Variants in LPCAT1 observed in about 807,000 individuals in gnomAD.
LPCAT1 encodes lysophosphatidylcholine acyltransferase 1, also known as 1-acylglycerol-3-phosphate O-acyltransferase.
Under a neutral mutation model 60.9 loss-of-function variants are expected in LPCAT1, and 23 were observed. The observed-to-expected ratio is 0.38, with a 90% CI of 0.27 to 0.53. The LOEUF is 0.53. Ranked by LOEUF, LPCAT1 falls within the 20% of genes least tolerant of loss-of-function variation. The probability of loss-of-function intolerance (pLI) is 0.82; values close to 1 mark genes in which losing one functional copy is unlikely to be tolerated. For synonymous variants in LPCAT1, 340 were observed against 301.1 expected (o/e 1.13, Z -1.34); for missense variants, 622 against 723.6 (o/e 0.86, Z 1.61).
At chr5:1,504,317 G>T (rs761579329) in intron 1 of LPCAT1, among the ~76,000 whole-genome samples, 4 of 152,252 alleles carry the variant, frequency 2.6e-5, no homozygotes, top group Non-Finnish European at 2.9e-5. Context: ...AGAGCGCAGC[G>T]GAGGAGACCG....
rs1736748472 is a variant in LPCAT1, at chr5:1,523,762, C to A, written c.83G>T (p.Gly28Val). ...ASDARLLAPP[G>V]RNPFVHELRL... ...CAGCTCGTGCACGAAGGGGTTCCGC[C>A]CCGGGGGCGCCAGCAGCCGAGCGTC... Residue 28 changes from glycine to valine, a missense_variant, in exon 1 of 14, where the codon GGG becomes GTG. Gly to Val is a moderately radical substitution (Grantham distance 109, BLOSUM62 -3). Transcript: ENST00000283415. This position sits in a 1 kb window ranked among gnomAD's most constrained non-coding sequence, Gnocchi z 7.1. 8.6e-7 allele frequency: 1 copy of A among 1,158,684 alleles called. No individual in the cohort carries two copies. Among genetic ancestry groups the A allele is most frequent in the Non-Finnish European group, 1.1e-6 (1 of 936,340 alleles). 71.8% of individuals were successfully genotyped at this position (1,158,684 alleles called of 1,614,324 possible).
rs564785151 is a variant in LPCAT1 at position 1,506,993 on chromosome 5, G to C, written c.136-5390C>G. The stretch of plus-strand genomic sequence containing the variant: ...CAGCAGGGGCAGCATGCGGAACCAA[G>C]ACATCACTGCAAGTCGTGGACAGGG... On this transcript the variant is annotated intron_variant, in intron 1 of 13. Transcript: ENST00000283415. 2.6e-5 allele frequency among the ~76,000 whole-genome samples: 4 copies of C among 152,340 alleles called. No individual in the cohort carries two copies. The South Asian group carries it at 8.3e-4, about 32-fold the overall frequency.
intron 6 of LPCAT1, among the ~76,000 whole-genome samples, chr5:1,482,025 C>G (rs572097512): frequency 2.2e-4 from 33 of 152,284 alleles, no homozygotes; most frequent in African/African-American, 7.9e-4. Flanking sequence ...CCTTTGCCAT[C>G]ACAAAAAGGA....
chr5:1,501,118 A>T (rs1735986805), intron 2 of LPCAT1, among the ~76,000 whole-genome samples: 1 of 152,184 alleles, frequency 6.6e-6, no homozygotes, highest in Non-Finnish European at 1.5e-5. Flanking sequence ...CAGAAGCCTG[A>T]CTTTCGTCAG....
rs1428476035 is a variant in LPCAT1, at chr5:1,477,417, G to A, written c.886C>T (p.Arg296Ter). 2 of 1,613,856 alleles carry A rather than the reference G, an allele frequency of 1.2e-6. No homozygotes were observed. Among genetic ancestry groups the A allele is most frequent in the Non-Finnish European group, 1.7e-6 (2 of 1,179,866 alleles). The change falls in exon 9 of 14, where the codon CGA becomes TGA. Residue 296 changes from arginine (R) to a stop codon, truncating the protein, a stop_gained. Transcript: ENST00000283415. LOFTEE classifies it high-confidence loss of function. This position sits in a 1 kb window ranked among gnomAD's most constrained non-coding sequence, Gnocchi z 6.0. ...CTGCTCACTTACTCGGCCATGACTC[G>A]CCGCACGTTGCTGGCATACAGCGCG... is the stretch of plus-strand genomic sequence containing the variant. ...NPALYASNVR[R>*]VMAEALGVSV...
At chr5:1,509,974 G>A (rs1030903262) in intron 1 of LPCAT1, among the ~76,000 whole-genome samples, 1 of 152,184 alleles carries the variant, frequency 6.6e-6, no homozygotes, top group African/African-American at 2.4e-5. Flanking sequence ...TCACGGGGAC[G>A]GTTTCATTGG....
rs555851351 is a variant in LPCAT1, at chr5:1,481,151, C to A, written c.727-175G>T. On this transcript the variant is annotated intron_variant, in intron 6 of 13. Transcript: ENST00000283415. The surrounding 1 kb of genome is among the most constrained non-coding windows in gnomAD (Gnocchi z 7.8). ...TCCCAGAGTCCCTGAGGATCCAGGA[C>A]TCGGACCAGCCCCCCAGCCTGAGGT... Among the ~76,000 whole-genome samples, 1 of 152,132 alleles carries A rather than the reference C, an allele frequency of 6.6e-6. No homozygotes were observed. The highest frequency in any genetic ancestry group is 2.1e-4 in the South Asian group (1 of 4,836).
chr5:1,508,911 G>A (rs1048776186), intron 1 of LPCAT1, among the ~76,000 whole-genome samples: 3 of 152,256 alleles, frequency 2.0e-5, no homozygotes, highest in Non-Finnish European at 2.9e-5. Context: ...ATCACCCGGC[G>A]TTTCACAATC....
chr5:1,489,740 C>G lies in LPCAT1; in HGVS notation c.606+6G>C. The G allele has an allele frequency of 6.3e-7, 1 of 1,582,862 alleles. No individual in the cohort carries two copies. Among genetic ancestry groups the G allele is most frequent in the Non-Finnish European group, 8.7e-7 (1 of 1,151,364 alleles). On this transcript the variant is annotated splice_donor_region_variant and intron_variant, in intron 4 of 13. Transcript: ENST00000283415. ...ACTGAAACACAATCAGGGCTACGTGCATTACCTGTGGCCACTTTCCGTTGG... is the reference window on the plus strand; with the variant it reads ...ACTGAAACACAATCAGGGCTACGTGGATTACCTGTGGCCACTTTCCGTTGG...
At chr5:1,509,577 G>C (rs1015795281) in intron 1 of LPCAT1, among the ~76,000 whole-genome samples, 3 of 152,196 alleles carry the variant, frequency 2.0e-5, no homozygotes, top group Non-Finnish European at 1.5e-5. Context: ...GCATCTGAGA[G>C]CTGGAGGGAG....
chr5:1,464,744 A>T (rs945228618), intron 13 of LPCAT1, among the ~76,000 whole-genome samples: 2 of 144,338 alleles, frequency 1.4e-5, no homozygotes, highest in Non-Finnish European at 3.0e-5. Context: ...ACGCAGACAC[A>T]CACACACAAA....
intron 3 of LPCAT1, among the ~76,000 whole-genome samples, chr5:1,491,976 T>C (rs965417804): frequency 7.9e-5 from 12 of 151,922 alleles, no homozygotes; most frequent in African/African-American, 2.9e-4. Flanking sequence ...CGGGGAGATG[T>C]CTCTGAGCTG....
intron 5 of LPCAT1, among the ~76,000 whole-genome samples, chr5:1,484,096 G>A (rs555928613): frequency 3.9e-4 from 59 of 152,330 alleles, no homozygotes; most frequent in African/African-American, 1.2e-3. Context: ...CTCCAAGGAC[G>A]GGCGGATTTG....
At chr5:1,464,126 C>G (rs982488274) in intron 13 of LPCAT1, among the ~76,000 whole-genome samples, 2 of 152,218 alleles carry the variant, frequency 1.3e-5, no homozygotes, top group Non-Finnish European at 2.9e-5. Context: ...AGATATATCC[C>G]GGGGACTTAG....
In LPCAT1 at chr5:1,522,045, G is replaced by C. The variant is rs1021721771; in HGVS notation, c.135+1665C>G. Reference sequence around the variant, plus strand: ...GAGGGGCTTGATGTTTCCCCCCAGGGAGCCAGGAGGGAGTAGGAAAGGCAG... The same window carrying C: ...GAGGGGCTTGATGTTTCCCCCCAGGCAGCCAGGAGGGAGTAGGAAAGGCAG... On this transcript the variant is annotated intron_variant, in intron 1 of 13. Transcript: ENST00000283415. This position sits in a 1 kb window ranked among gnomAD's most constrained non-coding sequence, Gnocchi z 6.8. 6.6e-6 allele frequency among the ~76,000 whole-genome samples: 1 copy of C among 152,226 alleles called. No homozygotes were observed. The highest frequency in any genetic ancestry group is 1.5e-5 in the Non-Finnish European group (1 of 68,032).
intron 1 of LPCAT1, among the ~76,000 whole-genome samples, chr5:1,517,050 A>T (rs1319129116): frequency 6.6e-6 from 1 of 152,218 alleles, no homozygotes; most frequent in Admixed American, 6.5e-5. Context: ...ATTAGAAAAT[A>T]ATGTTATTTC....
rs1248840567 is a variant in LPCAT1, at chr5:1,496,348, G to A, written c.279-1434C>T. ...TGCACTCCAGCCTGGGCAACAGAGT[G>A]AGACTCCATCTCAAGAAAACTAAAC... On this transcript the variant is annotated intron_variant, in intron 2 of 13. Transcript: ENST00000283415. The surrounding 1 kb of genome is among the most constrained non-coding windows in gnomAD (Gnocchi z 4.7). Among the ~76,000 whole-genome samples, 1 of 151,192 alleles carries A rather than the reference G, an allele frequency of 6.6e-6. No homozygotes were observed. The highest frequency in any genetic ancestry group is 2.1e-4 in the South Asian group (1 of 4,810).
intron 2 of LPCAT1, among the ~76,000 whole-genome samples, chr5:1,500,077 G>A (rs1735949651): frequency 1.3e-5 from 2 of 152,216 alleles, no homozygotes; most frequent in Admixed American, 6.5e-5. Context: ...TGAACATCAC[G>A]CAGGCCAGCG....
chr5:1,506,861 G>A (rs1736202241), intron 1 of LPCAT1, among the ~76,000 whole-genome samples: 1 of 152,202 alleles, frequency 6.6e-6, no homozygotes, highest in Admixed American at 6.5e-5. Context: ...TGCAGCCACA[G>A]GGACACCTGT....
Sources: allele counts gnomAD v4.1 joint callset (sites outside exome capture counted in the v4.1 genomes callset), GRCh38; gene constraint gnomAD v4.1.1; non-coding constraint Gnocchi (gnomAD v3.1); transcripts MANE v1.5; gene names NCBI Gene and HGNC (gene_info 2026-07-23, HGNC 2026-07-21).